SMAD5: variants seen among roughly 807,000 people sequenced by gnomAD.
SMAD5 encodes MAD, mothers against decapentaplegic homolog 5.
A neutral mutation model predicts 43.1 loss-of-function variants in SMAD5; 9 were observed. The observed-to-expected ratio is 0.21, with a 90% confidence interval of 0.13 to 0.36. The LOEUF (loss-of-function observed/expected upper bound fraction) is 0.36. Ranked by LOEUF, SMAD5 falls within the 10% of genes least tolerant of loss-of-function variation. The pLI, the probability that SMAD5 is intolerant of heterozygous loss-of-function variation, is 1.00. For missense variants in SMAD5, 348 were observed against 574.0 expected (o/e 0.61, Z 4.02); for synonymous variants, 190 against 192.4 (o/e 0.99, Z 0.10).
At chr5:136,139,883 T>C (rs1753015994) in intron 1 of SMAD5, among the ~76,000 whole-genome samples, 1 of 152,056 alleles carries the variant, frequency 6.6e-6, no homozygotes, top group Admixed American at 6.6e-5. Flanking sequence ...AAAAACAATT[T>C]TTTTTTGTAG....
chr5:136,160,609 AG>A (rs1457719773), intron 3 of SMAD5, among the ~76,000 whole-genome samples: 8 of 152,138 alleles, frequency 5.3e-5, no homozygotes, highest in Admixed American at 2.6e-4. Context: ...CTCATAGAAC[AG>A]GAGTGGTATC....
At position 136,176,457 on chromosome 5, in the gene SMAD5, C is replaced by CAAA. The variant is rs60311104; in HGVS notation, c.1255-856_1255-854dup. Among the ~76,000 whole-genome samples, 406 of 68,506 alleles carry CAAA rather than the reference C, an allele frequency of 5.9e-3. 29 individuals carry two copies. Among genetic ancestry groups the CAAA allele is most frequent in the African/African-American group, 0.018 (378 of 20,616 alleles). The allele number at this position is 68,506 out of a possible 152,430, so 44.9% of individuals were successfully genotyped here. ...GCAACAAGAGAGAAACTCTGTCTCA[C>CAAA]AAAAAAAAAAAAAAAAAAAAAAAAA... On this transcript the variant is annotated intron_variant, in intron 7 of 7. Transcript: ENST00000545279.
chr5:136,138,435 G>A (rs1260401405), intron 1 of SMAD5, among the ~76,000 whole-genome samples: 6 of 152,214 alleles, frequency 3.9e-5, no homozygotes, highest in Non-Finnish European at 2.9e-5. Flanking sequence ...TGTCTTTCTT[G>A]TAGATGTTCT....
In SMAD5 at chr5:136,139,638, G is replaced by A. The variant is rs544868295; in HGVS notation, c.-245+6676G>A. On this transcript the variant is annotated intron_variant, in intron 1 of 7. Transcript: ENST00000545279. ...ATTACTGCATCTCTGAACTGGTCTC[G>A]CTGCTTTTATCATTGCTGTCCACCC... 8.5e-5 allele frequency among the ~76,000 whole-genome samples: 13 copies of A among 152,122 alleles called. No homozygotes were observed. In the South Asian group the frequency reaches 1.2e-3, roughly 15 times the overall value.
At position 136,182,162 on chromosome 5, in the gene SMAD5, CTTAA is replaced by C. The variant is rs1245035554; in HGVS notation, c.*4688_*4691del. 1 of 151,246 alleles carries C rather than the reference CTTAA, an allele frequency of 6.6e-6. No homozygotes were observed. The highest frequency in any genetic ancestry group is 2.4e-5 in the African/African-American group (1 of 41,018). The allele number at this position is 151,246 out of a possible 1,614,324, so 9.4% of individuals were successfully genotyped here. On this transcript the variant is annotated 3_prime_UTR_variant, in exon 8 of 8. Coordinates refer to ENST00000545279, the MANE Select transcript of SMAD5 (RefSeq NM_005903.7). ...TTCCGTCCCTCATTAATAGTGCCTT[CTTAA>C]TTAATACAGACTGGTGTTAGCTATA... is the stretch of plus-strand genomic sequence containing the variant.
chr5:136,164,280 T>C (rs1231873873), intron 5 of SMAD5, among the ~76,000 whole-genome samples: 4 of 152,226 alleles, frequency 2.6e-5, no homozygotes, highest in Non-Finnish European at 5.9e-5. Context: ...GTGCAATTGC[T>C]GAATAACATG....
chr5:136,174,260 A>C, intron 6 of SMAD5, 116 bp from the exon 7 acceptor site: 2 of 913,364 alleles, frequency 2.2e-6, no homozygotes, highest in Non-Finnish European at 3.3e-6. Context: ...ACTTCTGTCT[A>C]AAGACTGCTG....
chr5:136,157,626 A>G (rs1753682706), intron 3 of SMAD5, among the ~76,000 whole-genome samples: 1 of 152,134 alleles, frequency 6.6e-6, no homozygotes, highest in Admixed American at 6.5e-5. Context: ...CACAACCTAG[A>G]TCCCTCATAT....
At position 136,161,092 on chromosome 5, in the gene SMAD5, C is replaced by T. The variant is rs772508972; in HGVS notation, c.640C>T (p.Pro214Ser). Residue 214 changes from proline to serine, a missense_variant, in exon 4 of 8, where the codon CCA (proline) becomes TCA (serine). Transcript: ENST00000545279. ...NSPASSGPGS[P>S]FQLPADTPPP... is the part of the protein sequence containing the mutation. Reference sequence around the variant, plus strand: ...CCCAGCAAGTTCTGGACCAGGAAGTCCATTTCAGCTCCCAGGTAAGACTTT... The same window carrying T: ...CCCAGCAAGTTCTGGACCAGGAAGTTCATTTCAGCTCCCAGGTAAGACTTT... The T allele has an allele frequency of 1.2e-6, 2 of 1,613,542 alleles. No homozygotes were observed. The highest frequency in any genetic ancestry group is 3.3e-5 in the Admixed American group (2 of 59,992).
chr5:136,178,445 A>G lies in SMAD5; in HGVS notation c.*965A>G, dbSNP rs1024860111. 1.3e-5 allele frequency: 2 copies of G among 152,590 alleles called. No homozygotes were observed. Among genetic ancestry groups the G allele is most frequent in the Non-Finnish European group, 2.9e-5 (2 of 68,028 alleles). The allele number at this position is 152,590 out of a possible 1,614,324, so 9.5% of individuals were successfully genotyped here. ...CTTTTTTGTATTAACAAACACTGCAATTTATAGATTACATTTGTAGGAAGT... is the reference window on the plus strand; with the variant it reads ...CTTTTTTGTATTAACAAACACTGCAGTTTATAGATTACATTTGTAGGAAGT... On this transcript the variant is annotated 3_prime_UTR_variant, in exon 8 of 8. Transcript: ENST00000545279.
At position 136,171,106 on chromosome 5, in the gene SMAD5, G is replaced by T. The variant is rs578226465; in HGVS notation, c.776-1328G>T. Among the ~76,000 whole-genome samples the T allele has an allele frequency of 3.3e-5, 5 of 152,206 alleles. No homozygotes were observed. The East Asian group carries it at 9.7e-4, about 29-fold the overall frequency. On this transcript the variant is annotated intron_variant, in intron 5 of 7. Coordinates refer to ENST00000545279, the MANE Select transcript of SMAD5 (RefSeq NM_005903.7). ...ATGATGTTGAAAAGTGGGAGAGGAG[G>T]CATCTTTGCTTTGTTTTTGATCTTA...
chr5:136,158,904 A>AT (rs1394795178), intron 3 of SMAD5, among the ~76,000 whole-genome samples: 1 of 152,042 alleles, frequency 6.6e-6, no homozygotes, highest in Non-Finnish European at 1.5e-5. Context: ...ATCTCAAAAA[A>AT]AAAAAGATGG....
At chr5:136,163,892 C>T (rs1430883879) in intron 5 of SMAD5, among the ~76,000 whole-genome samples, 1 of 152,238 alleles carries the variant, frequency 6.6e-6, no homozygotes, top group Non-Finnish European at 1.5e-5. Flanking sequence ...TTATTATAAA[C>T]ATTTGCAGCT....
chr5:136,146,585 A>AT (rs1037282783), intron 1 of SMAD5, among the ~76,000 whole-genome samples: 1 of 151,686 alleles, frequency 6.6e-6, no homozygotes, highest in African/African-American at 2.4e-5. Context: ...ATAATGAGAA[A>AT]TTTTTTCATA....
rs1754544159 is a variant in SMAD5, at chr5:136,179,476, A to G, written c.*1996A>G. ...CTTTCTGCTCTTGTGAAGAAAAAAA[A>G]AAGCATTTTCGAGGAAAGAATTATG... On this transcript the variant is annotated 3_prime_UTR_variant, in exon 8 of 8. Transcript: ENST00000545279. 2 of 152,500 alleles carry G rather than the reference A, an allele frequency of 1.3e-5. No individual in the cohort carries two copies. The highest frequency in any genetic ancestry group is 1.3e-4 in the Admixed American group (2 of 15,274). 9.4% of individuals were successfully genotyped at this position (152,500 alleles called of 1,614,324 possible). A position where few individuals can be genotyped will look rare whatever the true frequency, so the allele number is the denominator to read the frequency against.
rs917281382 is a variant in SMAD5 at position 136,177,731 on chromosome 5, A to T, written c.*251A>T. On this transcript the variant is annotated 3_prime_UTR_variant, in exon 8 of 8. Transcript: ENST00000545279. ...TTATGCCCCAGTTCAGAAATTTGGC[A>T]TTGATCTTAAACTGGAACATGCTTT... 2.7e-6 allele frequency: 1 copy of T among 370,050 alleles called. No homozygotes were observed. Among genetic ancestry groups the T allele is most frequent in the South Asian group, 5.6e-5 (1 of 17,934 alleles). 22.9% of individuals were successfully genotyped at this position (370,050 alleles called of 1,614,324 possible).
At chr5:136,166,502 CA>C (rs1324027734) in intron 5 of SMAD5, among the ~76,000 whole-genome samples, 1 of 152,092 alleles carries the variant, frequency 6.6e-6, no homozygotes, top group African/African-American at 2.4e-5. Flanking sequence ...AATCTACCTT[CA>C]TTTACCATAA....
chr5:136,167,457 G>T (rs1754060785), intron 5 of SMAD5, among the ~76,000 whole-genome samples: 1 of 151,826 alleles, frequency 6.6e-6, no homozygotes, highest in African/African-American at 2.4e-5. Flanking sequence ...ACTCAGAATT[G>T]AGTTTTAAAA....
intron 1 of SMAD5, among the ~76,000 whole-genome samples, chr5:136,146,807 C>A (rs532912935): frequency 1.3e-5 from 2 of 151,558 alleles, no homozygotes; most frequent in African/African-American, 4.8e-5. Flanking sequence ...TGGTTTAGTT[C>A]CTTTAGAAAC....
Sources: gnomAD v4.1 joint callset for allele counts (sites outside exome capture counted in the v4.1 genomes callset) on GRCh38, gnomAD v4.1.1 for gene constraint, MANE v1.5 for transcripts, NCBI Gene and HGNC (gene_info 2026-07-23, HGNC 2026-07-21) for gene names.